The following NUP43 variants were observed in gnomAD, a reference collection of about 807,000 sequenced individuals.
NUP43 encodes the protein nucleoporin 43.
NUP43 carries 32 observed loss-of-function variants against 47.3 expected under a neutral mutation model. The observed-to-expected ratio is 0.68, with a 90% CI of 0.51 to 0.91. The LOEUF is 0.91. Among genes scored for constraint, NUP43 ranks in the 40% least tolerant of loss-of-function variants. The pLI, the probability that NUP43 is intolerant of heterozygous loss-of-function variation, is 0.00. For synonymous variants in NUP43, 147 were observed against 158.4 expected, an observed-to-expected ratio of 0.93 and a Z score of 0.54; for missense variants, 444 against 453.9, an observed-to-expected ratio of 0.98 and a Z score of 0.20.
upstream of NUP43, among the ~76,000 whole-genome samples, chr6:149,748,806 C>T (rs1786161371): frequency 2.5e-5 from 2 of 79,650 alleles, no homozygotes; most frequent in East Asian, 6.8e-4. Flanking sequence ...GAGACTCCGT[C>T]TCAAAAAAAA....
chr6:149,739,731 T>C (rs1785549844), intron 4 of NUP43, among the ~76,000 whole-genome samples: 1 of 152,156 alleles, frequency 6.6e-6, no homozygotes, highest in South Asian at 2.1e-4. Flanking sequence ...AGAACTTCCA[T>C]TCTATTGAGC....
In NUP43 at chr6:149,726,396, CAAAA is replaced by C. The variant is rs11305807; in HGVS notation, c.*569_*572del. ...ACTCCAGCAGAGCAAGACTCTGCCTCAAAAAAAAAAAAAAAAAAAAATTGAACAC... is the reference window on the plus strand; with the variant it reads ...ACTCCAGCAGAGCAAGACTCTGCCTCAAAAAAAAAAAAAAAAATTGAACAC... On this transcript the variant is annotated 3_prime_UTR_variant, in exon 8 of 8. Coordinates refer to ENST00000340413, the MANE Select transcript of NUP43 (RefSeq NM_198887.3). 6 of 94,638 alleles carry C rather than the reference CAAAA, an allele frequency of 6.3e-5. No homozygotes were observed. Among genetic ancestry groups the C allele is most frequent in the Admixed American group, 1.1e-4 (1 of 8,882 alleles). 5.9% of individuals were successfully genotyped at this position (94,638 alleles called of 1,614,324 possible).
intron 7 of NUP43, chr6:149,728,049 C>T (rs1784870873): frequency 1.0e-6 from 1 of 985,310 alleles, no homozygotes; most frequent in Admixed American, 6.2e-5. Flanking sequence ...GAACTTCCTT[C>T]TCTAAGAAAA....
rs1399140700 is a variant in NUP43, at chr6:149,727,010, C to T, written c.1102G>A (p.Asp368Asn). 9.3e-6 allele frequency: 15 copies of T among 1,613,886 alleles called. No individual in the cohort carries two copies. The Admixed American group carries it at 1.5e-4, about 16-fold the overall frequency. ...VLGPCLVCGT[D>N]AEAIYVTRHL... ...CTAGTAACATAAATTGCTTCTGCAT[C>T]GGTTCCACAAACAAGACAAGGACCT... Residue 368 changes from aspartate (D) to asparagine (N), a missense_variant, in exon 8 of 8, where the codon GAT becomes AAT. Asp to Asn is a conservative substitution (Grantham distance 23). Transcript: ENST00000340413.
rs540637736 is a variant in NUP43, at chr6:149,724,959, G to C, written c.*2010C>G. ...ACCATAGAAGGGATGATGAAATTTA[G>C]GCTGGAGATGATCACCAAGGTACTT... On this transcript the variant is annotated 3_prime_UTR_variant, in exon 8 of 8. Transcript: ENST00000340413. 6.6e-6 allele frequency: 1 copy of C among 152,184 alleles called. No individual in the cohort carries two copies. Among genetic ancestry groups the C allele is most frequent in the African/African-American group, 2.4e-5 (1 of 41,542 alleles). The allele number at this position is 152,184 out of a possible 1,614,324, so 9.4% of individuals were successfully genotyped here. A position where few individuals can be genotyped will look rare whatever the true frequency, so the allele number is the denominator to read the frequency against.
At chr6:149,728,300 C>T (rs973598298) in intron 7 of NUP43, 40 of 984,706 alleles carry the variant, frequency 4.1e-5, no homozygotes, top group Non-Finnish European at 4.7e-5. Flanking sequence ...TCCAGTCTAA[C>T]CAAGGTTCCT....
rs540630622 is a variant in NUP43 at position 149,740,213 on chromosome 6, T to C, written c.503-1435A>G. Among the ~76,000 whole-genome samples the C allele has an allele frequency of 5.1e-5, 7 of 138,360 alleles. No homozygotes were observed. The South Asian group carries it at 1.5e-3, about 31-fold the overall frequency. The allele number at this position is 138,360 out of a possible 152,430, so 90.8% of individuals were successfully genotyped here. ...ATCGCTTGAACCTGGGAGGCAGAGGTTGCAATGAGCTGGGATCATGCCACT... is the reference window on the plus strand; with the variant it reads ...ATCGCTTGAACCTGGGAGGCAGAGGCTGCAATGAGCTGGGATCATGCCACT... On this transcript the variant is annotated intron_variant, in intron 4 of 7. Coordinates refer to ENST00000340413, the MANE Select transcript of NUP43 (RefSeq NM_198887.3).
chr6:149,741,062 CAAA>C (rs562659886), intron 4 of NUP43, among the ~76,000 whole-genome samples: 2 of 142,470 alleles, frequency 1.4e-5, no homozygotes, highest in Admixed American at 7.1e-5. Flanking sequence ...GCCCTCTCAC[CAAA>C]AAAAAAAAGG....
At chr6:149,747,324 C>A (rs1786064395), upstream of NUP43, among the ~76,000 whole-genome samples, 1 of 152,090 alleles carries the variant, frequency 6.6e-6, no homozygotes, top group African/African-American at 2.4e-5. Flanking sequence ...GTGGCCCAAG[C>A]TGGAGTGCAG....
upstream of NUP43, among the ~76,000 whole-genome samples, chr6:149,748,345 A>G (rs1005467703): frequency 1.3e-5 from 2 of 152,032 alleles, no homozygotes; most frequent in Non-Finnish European, 2.9e-5. Context: ...ACAAAAAGAA[A>G]CCAGTTTTGC....
At chr6:149,731,428 G>A (rs1340709244) in intron 7 of NUP43, 185 bp downstream of exon 7, 3 of 425,502 alleles carry the variant, frequency 7.1e-6, no homozygotes, top group Non-Finnish European at 1.3e-5. Context: ...CGGGCACGGT[G>A]GTGCATGACT....
At chr6:149,746,753 G>C (rs1348983620), upstream of NUP43, 1 of 1,303,826 alleles carries the variant, frequency 7.7e-7, no homozygotes, top group Admixed American at 2.8e-5. Flanking sequence ...AATCTGCAAT[G>C]TCAGTATTTT....
intron 4 of NUP43, among the ~76,000 whole-genome samples, chr6:149,741,276 C>T (rs748609660): frequency 6.6e-6 from 1 of 152,082 alleles, no homozygotes; most frequent in Non-Finnish European, 1.5e-5. Context: ...CAGGTTCAAG[C>T]GATTCTCATG....
chr6:149,748,764 G>T (rs141482347), upstream of NUP43, among the ~76,000 whole-genome samples: 1,331 of 145,026 alleles, frequency 9.2e-3, 22 homozygotes, highest in African/African-American at 0.033. Context: ...AGCCGAGATC[G>T]CGCCACTGCA....
intron 2 of NUP43, among the ~76,000 whole-genome samples, chr6:149,745,603 A>C (rs1269911398): frequency 1.3e-5 from 2 of 152,172 alleles, no homozygotes; most frequent in East Asian, 3.8e-4. Context: ...TACATGCTCA[A>C]GATATATTAG....
intron 6 of NUP43, among the ~76,000 whole-genome samples, chr6:149,733,038 C>T (rs1481631902): frequency 1.3e-5 from 2 of 151,976 alleles, no homozygotes; most frequent in Non-Finnish European, 2.9e-5. Context: ...TAGGTGTGTG[C>T]CCAGCTAGGA....
intron 7 of NUP43, among the ~76,000 whole-genome samples, chr6:149,731,092 A>C (rs1032210900): frequency 4.6e-5 from 7 of 151,920 alleles, no homozygotes; most frequent in African/African-American, 1.7e-4. Flanking sequence ...ACATAGCAAA[A>C]CCCCATCTCT....
intron 6 of NUP43, among the ~76,000 whole-genome samples, chr6:149,732,054 T>C (rs1785075054): frequency 6.6e-6 from 1 of 150,686 alleles, no homozygotes; most frequent in Admixed American, 6.6e-5. Flanking sequence ...TGGTGGCGCG[T>C]GCTTGTAGTC....
chr6:149,740,154 T>C (rs889432602), intron 4 of NUP43, among the ~76,000 whole-genome samples: 2 of 151,548 alleles, frequency 1.3e-5, no homozygotes, highest in African/African-American at 4.9e-5. Context: ...TGTGCATCTG[T>C]AGTCCCACAT....
Sources: allele counts gnomAD v4.1 joint callset (sites outside exome capture counted in the v4.1 genomes callset), GRCh38; gene constraint gnomAD v4.1.1; transcripts MANE v1.5; gene names NCBI Gene and HGNC (gene_info 2026-07-23, HGNC 2026-07-21).